The following RHBDF2 variants were observed in gnomAD, a reference collection of about 807,000 sequenced individuals.
RHBDF2 encodes rhomboid 5 homolog 2.
Under a neutral mutation model 95.2 loss-of-function variants are expected in RHBDF2, and 38 were observed. That is an observed-to-expected ratio of 0.40 (90% CI 0.31 to 0.52). The LOEUF (loss-of-function observed/expected upper bound fraction) is 0.52, where lower values mean the gene tolerates loss of function less well. RHBDF2 is among the 20% of genes least tolerant of loss of function. RHBDF2 has a pLI of 0.56. For missense variants in RHBDF2, 863 were observed against 1,137.7 expected, an observed-to-expected ratio of 0.76 and a Z score of 3.47; for synonymous variants, 442 against 462.0, an observed-to-expected ratio of 0.96 and a Z score of 0.55.
intron 1 of RHBDF2, among the ~76,000 whole-genome samples, chr17:76,495,124 T>C (rs2074401909): frequency 6.6e-6 from 1 of 152,184 alleles, no homozygotes; most frequent in African/African-American, 2.4e-5. Context: ...TTCATGAAAG[T>C]CTGCCTCTCT....
At chr17:76,476,620 T>C in intron 9 of RHBDF2, 3 of 632,702 alleles carry the variant, frequency 4.7e-6, no homozygotes, top group Non-Finnish European at 7.8e-6. Flanking sequence ...AAGCATGGGG[T>C]GGAAGAGAGG....
rs138608987 is a variant in RHBDF2, at chr17:76,480,007, ATGTGTGTGTGTGTGTGTGTGTGTG to A, written c.151-177_151-154del. The A allele has an allele frequency of 1.3e-5, 4 of 307,372 alleles. No individual in the cohort carries two copies. The Admixed American group carries it at 2.0e-4, about 16-fold the overall frequency. 19.0% of individuals were successfully genotyped at this position (307,372 alleles called of 1,614,324 possible). ...TTTCATTTGGAAATATATATATATAATGTGTGTGTGTGTGTGTGTGTGTGTGTGTGTGTGTTTGTATATGTATAT... is the reference window on the plus strand; with the variant it reads ...TTTCATTTGGAAATATATATATATAATGTGTGTGTGTTTGTATATGTATAT... On this transcript the variant is annotated intron_variant, in intron 3 of 18. Coordinates refer to ENST00000675367, the MANE Select transcript of RHBDF2 (RefSeq NM_001005498.4).
In RHBDF2 at chr17:76,471,899, C is replaced by T. The variant is rs889709554; in HGVS notation, c.2218G>A (p.Asp740Asn). 5.1e-6 allele frequency: 8 copies of T among 1,579,044 alleles called. No individual in the cohort carries two copies. Among genetic ancestry groups the T allele is most frequent in the South Asian group, 1.2e-5 (1 of 86,526 alleles). ...LFICGLLPWI[D>N]NIAHIFGFLS... Reference sequence around the variant, plus strand: ...AAGCCGAAGATGTGGGCGATGTTGTCGATCCAGGGCAGGAGGCCACAGATG... The same window carrying T: ...AAGCCGAAGATGTGGGCGATGTTGTTGATCCAGGGCAGGAGGCCACAGATG... Residue 740 changes from aspartate (D) to asparagine (N), a missense_variant, in exon 19 of 19, where the codon GAC becomes AAC. Physicochemically the swap from Asp to Asn is conservative, Grantham distance 23. This residue lies in a region of RHBDF2 where 252 missense variants were observed against 412.2 expected (regional missense o/e 0.61). Transcript: ENST00000675367.
At position 76,472,833 on chromosome 17, in the gene RHBDF2, C is replaced by T. The variant is rs1200379586; in HGVS notation, c.1917G>A (p.Val639=). 1.9e-6 allele frequency: 3 copies of T among 1,591,090 alleles called. No individual in the cohort carries two copies. The highest frequency in any genetic ancestry group is 2.6e-6 in the Non-Finnish European group (3 of 1,168,528). ...GAAAGACCACAGACACGAGGCAGTG[C>T]ACCACGCTGGGGGAGGGACACACCA... ...WLSLFLHAGV[V]HCLVSVVFQM... is the part of the protein sequence containing the mutation. Residue 639 remains valine (V), a synonymous_variant, in exon 18 of 19, where the codon GTG becomes GTA. Coordinates refer to ENST00000675367, the MANE Select transcript of RHBDF2 (RefSeq NM_001005498.4).
intron 1 of RHBDF2, among the ~76,000 whole-genome samples, chr17:76,494,770 AT>A (rs1162084079): frequency 1.3e-5 from 2 of 152,128 alleles, no homozygotes; most frequent in African/African-American, 4.8e-5. Context: ...CACAGACAAA[AT>A]AAAACAAAGC....
chr17:76,475,473 C>T (rs1217909374), intron 9 of RHBDF2, among the ~76,000 whole-genome samples: 1 of 152,178 alleles, frequency 6.6e-6, no homozygotes, highest in East Asian at 1.9e-4. Flanking sequence ...AGGGCCTTTG[C>T]ACATGACATC....
At position 76,472,008 on chromosome 17, in the gene RHBDF2, G is replaced by A. The variant is rs113933508; in HGVS notation, c.2109C>T (p.Phe703=). The A allele has an allele frequency of 1.5e-5, 23 of 1,575,982 alleles. No homozygotes were observed. Among genetic ancestry groups the A allele is most frequent in the African/African-American group, 8.1e-5 (6 of 74,358 alleles). Residue 703 remains phenylalanine (F), a synonymous_variant, in exon 19 of 19, where the codon TTC becomes TTT. Transcript: ENST00000675367. ...GCGGCCAGCTCTGGAAGAGCTCCAC[G>A]AAGAGGCAGGCGAGGAGGCCGAACT... ...GSQFGLLACL[F]VELFQSWPLL...
intron 2 of RHBDF2, among the ~76,000 whole-genome samples, chr17:76,486,865 G>C (rs1215813359): frequency 6.6e-6 from 1 of 152,020 alleles, no homozygotes; most frequent in Non-Finnish European, 1.5e-5. Context: ...ACACAGAGGA[G>C]GGGCTGGCTC....
At chr17:76,487,555 C>T (rs1334102134) in intron 2 of RHBDF2, 157 bp downstream of exon 2, 2 of 152,454 alleles carry the variant, frequency 1.3e-5, no homozygotes, top group African/African-American at 4.8e-5. Context: ...CCGTCCCTTC[C>T]CTGCCCTTAT....
chr17:76,490,864 A>G (rs1263339107), intron 1 of RHBDF2, among the ~76,000 whole-genome samples: 1 of 152,110 alleles, frequency 6.6e-6, no homozygotes, highest in African/African-American at 2.4e-5. Context: ...GAGAGAATCA[A>G]CCACTTTATT....
At chr17:76,491,634 G>A (rs1162505063) in intron 1 of RHBDF2, among the ~76,000 whole-genome samples, 3 of 152,350 alleles carry the variant, frequency 2.0e-5, no homozygotes, top group East Asian at 3.9e-4. Flanking sequence ...ACAAGGTCAC[G>A]GCCCAGCTTT....
At chr17:76,482,025 T>C (rs1291682343) in intron 2 of RHBDF2, 1 of 147,164 alleles carries the variant, frequency 6.8e-6, no homozygotes, top group African/African-American at 2.6e-5. Flanking sequence ...AAACCATCCC[T>C]GGGGACTAAA....
intron 1 of RHBDF2, among the ~76,000 whole-genome samples, chr17:76,497,039 G>A (rs1403575164): frequency 6.6e-6 from 1 of 152,198 alleles, no homozygotes; most frequent in Non-Finnish European, 1.5e-5. Context: ...GGGATTACAG[G>A]CGTGAGCCAC....
chr17:76,499,309 C>G (rs917554087), intron 1 of RHBDF2, among the ~76,000 whole-genome samples: 3 of 152,136 alleles, frequency 2.0e-5, no homozygotes, highest in African/African-American at 7.2e-5. Context: ...GGGAGGGCAG[C>G]GAGGTGGCCC....
intron 2 of RHBDF2, among the ~76,000 whole-genome samples, chr17:76,485,842 T>C (rs2074110861): frequency 6.6e-6 from 1 of 152,034 alleles, no homozygotes; most frequent in East Asian, 1.9e-4. Context: ...GAACATTGTG[T>C]CCAGGGACAG....
chr17:76,472,729 G>C lies in RHBDF2; in HGVS notation c.2021C>G (p.Thr674Arg). 3 of 1,614,108 alleles carry C rather than the reference G, an allele frequency of 1.9e-6. No individual in the cohort carries two copies. Among genetic ancestry groups the C allele is most frequent in the Non-Finnish European group, 2.5e-6 (3 of 1,180,018 alleles). ...IAIIFILSGI[T>R]GNLASAIFLP... ...AAAGATGGCACTGGCGAGGTTGCCT[G>C]TGATGCCACTGAGGATGAAGATGAT... The change falls in exon 18 of 19, where the codon ACA (threonine) becomes AGA (arginine). Residue 674 changes from threonine to arginine, a missense_variant. By Grantham distance (71) the Thr-to-Arg change is moderately conservative. This residue lies in a region of RHBDF2 where 252 missense variants were observed against 412.2 expected (regional missense o/e 0.61). Transcript: ENST00000675367.
chr17:76,493,647 C>T (rs575918053), intron 1 of RHBDF2, among the ~76,000 whole-genome samples: 1 of 152,172 alleles, frequency 6.6e-6, no homozygotes, highest in Admixed American at 6.5e-5. Flanking sequence ...AGCTGTCTGT[C>T]TCCAGGAGCC....
Position 76,493,030 on chromosome 17 carries a change from GGCTCCGGAGCC to G in RHBDF2, c.-219-5132_-219-5122del, listed in dbSNP as rs1270116635. ...CTGGGCGGGAAGCTGCTTCCAGCCT[GGCTCCGGAGCC>G]GCGGGTGGGCGAGGCGTCACCTGGT... On this transcript the variant is annotated intron_variant, in intron 1 of 18. Coordinates refer to ENST00000675367, the MANE Select transcript of RHBDF2 (RefSeq NM_001005498.4). 4 of 152,416 alleles carry G rather than the reference GGCTCCGGAGCC, an allele frequency of 2.6e-5. No individual in the cohort carries two copies. The East Asian group carries it at 7.7e-4, about 29-fold the overall frequency. 9.4% of individuals were successfully genotyped at this position (152,416 alleles called of 1,614,324 possible).
rs1007795162 is a variant in RHBDF2, at chr17:76,472,826, G to A, written c.1924C>T (p.Leu642Phe). 7 of 1,595,810 alleles carry A rather than the reference G, an allele frequency of 4.4e-6. No homozygotes were observed. The highest frequency in any genetic ancestry group is 1.8e-5 in the Admixed American group (1 of 56,314). Residue 642 changes from leucine (L) to phenylalanine (F), a missense_variant, in exon 18 of 19, where the codon CTC becomes TTC. By Grantham distance (22) the Leu-to-Phe change is conservative. Transcript: ENST00000675367. ...LFLHAGVVHC[L>F]VSVVFQMTIL... ...GTCATTTGAAAGACCACAGACACGA[G>A]GCAGTGCACCACGCTGGGGGAGGGA...
Sources: allele counts gnomAD v4.1 joint callset (sites outside exome capture counted in the v4.1 genomes callset), GRCh38; gene constraint gnomAD v4.1.1; regional missense constraint gnomAD v4.1.1; transcripts MANE v1.5; gene names NCBI Gene and HGNC (gene_info 2026-07-23, HGNC 2026-07-21).